The following TRPV2 variants were observed in gnomAD, a reference collection of about 807,000 sequenced individuals.
TRPV2 encodes the protein transient receptor potential cation channel subfamily V member 2.
A neutral mutation model predicts 91.0 loss-of-function variants in TRPV2; 58 were observed. The ratio of observed to expected loss-of-function variants is 0.64; its 90% confidence interval spans 0.52 to 0.79. The LOEUF is 0.79. Ranked by LOEUF, TRPV2 falls within the 30% of genes least tolerant of loss-of-function variation. The pLI, the probability that TRPV2 is intolerant of heterozygous loss-of-function variation, is 0.00. For synonymous variants in TRPV2, 417 were observed against 414.8 expected (o/e 1.01, Z -0.06); for missense variants, 807 against 969.6 (o/e 0.83, Z 2.23).
chr17:16,431,291 A>ATTTTTT (rs1167449708), intron 10 of TRPV2, among the ~76,000 whole-genome samples: 2 of 67,390 alleles, frequency 3.0e-5, no homozygotes, highest in African/African-American at 6.4e-5. Context: ...ATATATACAT[A>ATTTTTT]TTTTTTTTTT....
chr17:16,417,252 G>A (rs1457019199), intron 1 of TRPV2, among the ~76,000 whole-genome samples: 6 of 143,054 alleles, frequency 4.2e-5, no homozygotes, highest in East Asian at 2.0e-4. Context: ...GGCAAAAACC[G>A]CAATTTTTTT....
At position 16,417,862 on chromosome 17, in the gene TRPV2, G is replaced by T. The variant is rs115484193; in HGVS notation, c.194G>T (p.Gly65Val). ...AACCTCAACTACCGAAAGGGAACAG[G>T]TGCCAGGTGAGACAGCAAGTGGGGG... is the stretch of plus-strand genomic sequence containing the variant. ...RVNLNYRKGT[G>V]ASQPDPNRFD... Residue 65 changes from glycine (G) to valine (V), a missense_variant, in exon 2 of 15, where the codon GGT (glycine) becomes GTT (valine). Gly to Val is a moderately radical substitution (Grantham distance 109, BLOSUM62 -3). Transcript: ENST00000338560. 4 of 1,613,900 alleles carry T rather than the reference G, an allele frequency of 2.5e-6. No individual in the cohort carries two copies. Among genetic ancestry groups the T allele is most frequent in the Non-Finnish European group, 3.4e-6 (4 of 1,179,904 alleles).
At chr17:16,424,166 T>C (rs571171476) in intron 5 of TRPV2, among the ~76,000 whole-genome samples, 3 of 151,498 alleles carry the variant, frequency 2.0e-5, no homozygotes, top group Admixed American at 2.0e-4. Context: ...ATTTTGTTTT[T>C]TTTTTTTTTG....
intron 10 of TRPV2, among the ~76,000 whole-genome samples, chr17:16,430,228 A>G (rs1440802358): frequency 6.6e-6 from 1 of 152,004 alleles, no homozygotes; most frequent in Non-Finnish European, 1.5e-5. Context: ...ACACTGTTGT[A>G]TAACCATCAC....
rs763737731 is a variant in TRPV2 at position 16,423,715 on chromosome 17, A to G, written c.872A>G (p.Asn291Ser). The part of the protein sequence containing the change: ...CPTVQLEDIR[N>S]LQDLTPLKLA... ...ACCGTGCAGCTTGAGGACATCCGCA[A>G]CCTGCAGGATCTCACGCCTCTGAAG... Residue 291 changes from asparagine to serine, a missense_variant, in exon 5 of 15, where the codon AAC becomes AGC. Transcript: ENST00000338560. 2 of 1,610,388 alleles carry G rather than the reference A, an allele frequency of 1.2e-6. No individual in the cohort carries two copies. The highest frequency in any genetic ancestry group is 2.2e-5 in the East Asian group (1 of 44,788).
At chr17:16,421,232 C>T (rs1487259989) in intron 3 of TRPV2, among the ~76,000 whole-genome samples, 5 of 150,888 alleles carry the variant, frequency 3.3e-5, no homozygotes, top group Non-Finnish European at 5.9e-5. Context: ...TTTTTGGAGA[C>T]GGAGTCTTGC....
rs2093381658 is a variant in TRPV2 at position 16,426,089 on chromosome 17, C to T, written c.925-10C>T. On this transcript the variant is annotated splice_polypyrimidine_tract_variant and intron_variant, in intron 5 of 14. Coordinates refer to ENST00000338560, the MANE Select transcript of TRPV2 (RefSeq NM_016113.5). The surrounding 1 kb of genome is among the most constrained non-coding windows in gnomAD (Gnocchi z 6.0). ...GACCATGAATGCAAGCTCATATGGC[C>T]ACCCTGCAGATTTTCAGGCACATCC... is the stretch of plus-strand genomic sequence containing the variant. The T allele has an allele frequency of 6.2e-7, 1 of 1,613,978 alleles. No individual in the cohort carries two copies. The highest frequency in any genetic ancestry group is 1.7e-5 in the Admixed American group (1 of 59,992).
chr17:16,417,901 G>A (rs1279370129), intron 2 of TRPV2, 33 bp downstream of exon 2: 1 of 1,597,134 alleles, frequency 6.3e-7, no homozygotes, highest in Non-Finnish European at 8.5e-7. Context: ...GGCAAAGGGG[G>A]CCCCCTGCCC....
intron 12 of TRPV2, among the ~76,000 whole-genome samples, chr17:16,432,761 A>C (rs569182285): frequency 6.6e-6 from 1 of 151,360 alleles, no homozygotes; most frequent in African/African-American, 2.4e-5. Flanking sequence ...GCAGGTGCTC[A>C]ATGTGCTACC....
chr17:16,428,391 C>T lies in TRPV2; in HGVS notation c.1421+4C>T, dbSNP rs747931848. The T allele has an allele frequency of 1.5e-5, 24 of 1,613,854 alleles. No individual in the cohort carries two copies. The highest frequency in any genetic ancestry group is 1.2e-4 in the Admixed American group (7 of 59,996). On this transcript the variant is annotated splice_donor_region_variant and intron_variant, in intron 9 of 14. Transcript: ENST00000338560. Reference sequence around the variant, plus strand: ...ACAGCTACTTTGAAATCCTCTTGTACGTGGGTTCTCACTCCTCCTTCTCTC... The same window carrying T: ...ACAGCTACTTTGAAATCCTCTTGTATGTGGGTTCTCACTCCTCCTTCTCTC...
rs182438774 is a variant in TRPV2 at position 16,424,443 on chromosome 17, C to T, written c.924+676C>T. Reference sequence around the variant, plus strand: ...CCAAAGTGCTGGGATTACAGGCACGCGCCACTGCACCCAGCTAATTTTTTG... The same window carrying T: ...CCAAAGTGCTGGGATTACAGGCACGTGCCACTGCACCCAGCTAATTTTTTG... On this transcript the variant is annotated intron_variant, in intron 5 of 14. Transcript: ENST00000338560. Among the ~76,000 whole-genome samples the T allele has an allele frequency of 9.9e-5, 15 of 151,702 alleles. No homozygotes were observed. The East Asian group carries it at 2.1e-3, about 22-fold the overall frequency.
In TRPV2 at chr17:16,421,544, C is replaced by T. The variant is rs953974157; in HGVS notation, c.335-1055C>T. ...ATTTTTTTTTTTTTTTTTTCCGAGA[C>T]GGAGTCTTGCTCTGTCACCCAGGCT... On this transcript the variant is annotated intron_variant, in intron 3 of 14. Transcript: ENST00000338560. Among the ~76,000 whole-genome samples the T allele has an allele frequency of 9.7e-5, 11 of 113,414 alleles. No homozygotes were observed. In the South Asian group the frequency reaches 1.7e-3, roughly 18 times the overall value. 74.4% of individuals were successfully genotyped at this position (113,414 alleles called of 152,430 possible).
In TRPV2 at chr17:16,431,801, G is replaced by A; in HGVS notation, c.1605G>A (p.Leu535=). The A allele has an allele frequency of 1.2e-6, 2 of 1,614,136 alleles. No homozygotes were observed. The highest frequency in any genetic ancestry group is 1.7e-6 in the Non-Finnish European group (2 of 1,180,022). ...TGTTCCAGGTCATCCTGCGGGACCT[G>A]CTGCGCTTCCTTCTGATCTACTTAG... ...VMIQKVILRD[L]LRFLLIYLVF... Residue 535 remains leucine (L), a synonymous_variant, in exon 11 of 15, where the codon CTG becomes CTA. Transcript: ENST00000338560.
chr17:16,434,824 C>G, intron 13 of TRPV2, 66 bp from the exon 14 acceptor site: 2 of 1,527,466 alleles, frequency 1.3e-6, no homozygotes, highest in African/African-American at 2.8e-5. Context: ...GGGCCACGCC[C>G]CTCTCCGGGG....
intron 14 of TRPV2, among the ~76,000 whole-genome samples, 179 bp from the exon 15 acceptor site, chr17:16,436,610 G>A (rs2093434825): frequency 6.6e-6 from 1 of 152,170 alleles, no homozygotes; most frequent in Non-Finnish European, 1.5e-5. Flanking sequence ...GATATGGCAG[G>A]GGATTGGGAA....
chr17:16,421,063 T>C (rs1031681524), intron 3 of TRPV2, among the ~76,000 whole-genome samples: 2 of 152,262 alleles, frequency 1.3e-5, no homozygotes, highest in Non-Finnish European at 2.9e-5. Flanking sequence ...CTTTGACAAC[T>C]GCAGAGTGAG....
chr17:16,423,871 C>A, intron 5 of TRPV2, 104 bp downstream of exon 5: 1 of 1,165,154 alleles, frequency 8.6e-7, no homozygotes, highest in Non-Finnish European at 1.2e-6. Context: ...GCAGTGGCTT[C>A]TCTGCTTTTC....
Position 16,425,958 on chromosome 17 carries a change from C to A in TRPV2, c.925-141C>A, listed in dbSNP as rs116129347. ...AAGAGTTTAGACAAACAAGGACCTG[C>A]GTGTATGGGGGTACGTGCACGTGTC... On this transcript the variant is annotated intron_variant, in intron 5 of 14. Transcript: ENST00000338560. 1.2e-3 allele frequency: 1,014 copies of A among 836,156 alleles called. 7 individuals are homozygous for A. In the African/African-American group the frequency reaches 0.016, roughly 13 times the overall value. The allele number at this position is 836,156 out of a possible 1,614,324, so 51.8% of individuals were successfully genotyped here.
At chr17:16,430,408 C>T (rs576767824) in intron 10 of TRPV2, among the ~76,000 whole-genome samples, 1 of 151,982 alleles carries the variant, frequency 6.6e-6, no homozygotes, top group East Asian at 1.9e-4. Context: ...AGTATTTGTC[C>T]TTTAATGTCT....
Sources: gnomAD v4.1 joint callset for allele counts (sites outside exome capture counted in the v4.1 genomes callset) on GRCh38, gnomAD v4.1.1 for gene constraint, Gnocchi (gnomAD v3.1) non-coding constraint, MANE v1.5 for transcripts, NCBI Gene and HGNC (gene_info 2026-07-23, HGNC 2026-07-21) for gene names.